The following NTNG1 variants were observed in gnomAD, a reference collection of about 807,000 sequenced individuals.
NTNG1 encodes the protein netrin G1, also known as netrin-G1.
In NTNG1, 16 loss-of-function variants were observed where a neutral mutation model predicts 54.0. The observed-to-expected ratio is 0.30, with a 90% CI of 0.20 to 0.45. NTNG1 has a LOEUF of 0.45. Ranked by LOEUF, NTNG1 falls within the 20% of genes least tolerant of loss-of-function variation. NTNG1 has a pLI of 1.00. For synonymous variants in NTNG1, 255 were observed against 263.1 expected, an observed-to-expected ratio of 0.97 and a Z score of 0.30; for missense variants, 530 against 678.7, an observed-to-expected ratio of 0.78 and a Z score of 2.43.
At position 107,304,058 on chromosome 1, in the gene NTNG1, A is replaced by G. The variant is rs530506623; in HGVS notation, c.247-20224A>G. 2.6e-5 allele frequency among the ~76,000 whole-genome samples: 4 copies of G among 152,252 alleles called. No individual in the cohort carries two copies. In the South Asian group the frequency reaches 6.2e-4, roughly 24 times the overall value. ...AGTAATTGCAGAATTCTCTAGTAAA[A>G]TGACTTCTGCCTCAACAGCCTATTA... On this transcript the variant is annotated intron_variant, in intron 2 of 7. Coordinates refer to ENST00000370068, the MANE Select transcript of NTNG1 (RefSeq NM_001113226.3).
intron 2 of NTNG1, among the ~76,000 whole-genome samples, chr1:107,260,445 C>T (rs111696811): frequency 2.1e-4 from 32 of 152,168 alleles, no homozygotes; most frequent in Non-Finnish European, 4.4e-4. Context: ...GTCTACCCTG[C>T]CACCAACAAT....
chr1:107,387,333 G>A (rs1343309649), intron 3 of NTNG1, among the ~76,000 whole-genome samples: 3 of 152,218 alleles, frequency 2.0e-5, no homozygotes, highest in African/African-American at 7.2e-5. Context: ...GTAGAAGGGA[G>A]AGGGCTTGCA....
upstream of NTNG1, chr1:107,141,018 T>A (rs371844817): frequency 1.3e-5 from 2 of 152,484 alleles, no homozygotes; most frequent in African/African-American, 4.8e-5. Context: ...CTCATCTACC[T>A]GTCAAAGTCA....
chr1:107,164,583 T>C (rs537442971), intron 2 of NTNG1, among the ~76,000 whole-genome samples: 1 of 152,336 alleles, frequency 6.6e-6, no homozygotes, highest in South Asian at 2.1e-4. Flanking sequence ...CAGTAACTAC[T>C]ACTGTGATAA....
At chr1:107,480,564 TCTC>T (rs1430959894) in intron 7 of NTNG1, 44 bp from the exon 8 acceptor site, 1 of 719,534 alleles carries the variant, frequency 1.4e-6, no homozygotes, top group East Asian at 2.6e-5. Context: ...TGATTCTGCT[TCTC>T]CTCCCCGCGC....
chr1:107,243,717 T>G (rs1180696738), intron 2 of NTNG1, among the ~76,000 whole-genome samples: 2 of 152,140 alleles, frequency 1.3e-5, no homozygotes, highest in African/African-American at 4.8e-5. Context: ...CACAGCTGGC[T>G]TCTTATGCTG....
intron 4 of NTNG1, among the ~76,000 whole-genome samples, chr1:107,402,078 A>G (rs558047356): frequency 6.6e-6 from 1 of 152,306 alleles, no homozygotes; most frequent in East Asian, 1.9e-4. Context: ...AGGGAGATAT[A>G]TTGTGGCCAA....
intron 3 of NTNG1, 94 bp downstream of exon 3, chr1:107,325,016 C>T (rs1026423052): frequency 2.4e-6 from 3 of 1,276,034 alleles, no homozygotes; most frequent in African/African-American, 3.0e-5. Flanking sequence ...TTGTCAATTT[C>T]TACTGCAACG....
At chr1:107,472,993 C>T (rs1571039459) in intron 7 of NTNG1, among the ~76,000 whole-genome samples, 2 of 152,154 alleles carry the variant, frequency 1.3e-5, no homozygotes, top group Non-Finnish European at 1.5e-5. Flanking sequence ...CTGAATGTAG[C>T]CCACATACCT....
intron 3 of NTNG1, among the ~76,000 whole-genome samples, chr1:107,347,844 T>C (rs1669345753): frequency 6.6e-6 from 1 of 152,054 alleles, no homozygotes; most frequent in African/African-American, 2.4e-5. Flanking sequence ...AAATGCCAGA[T>C]ACTTATAAAA....
intron 2 of NTNG1, among the ~76,000 whole-genome samples, chr1:107,265,710 T>C (rs963529287): frequency 6.6e-6 from 1 of 152,252 alleles, no homozygotes; most frequent in African/African-American, 2.4e-5. Flanking sequence ...TATGGGTTTA[T>C]ACATGTAAGT....
chr1:107,327,337 T>A (rs534923863), intron 3 of NTNG1, among the ~76,000 whole-genome samples: 25 of 152,220 alleles, frequency 1.6e-4, no homozygotes, highest in Admixed American at 1.0e-3. Context: ...ATAATGAAGA[T>A]CTGCTGATGA....
At chr1:107,185,511 C>T (rs976848955) in intron 2 of NTNG1, among the ~76,000 whole-genome samples, 2 of 152,126 alleles carry the variant, frequency 1.3e-5, no homozygotes. Context: ...AATTAGGGTC[C>T]ATCCTAATCC....
At chr1:107,315,537 C>G (rs1667286446) in intron 2 of NTNG1, among the ~76,000 whole-genome samples, 3 of 152,138 alleles carry the variant, frequency 2.0e-5, no homozygotes, top group South Asian at 4.2e-4. Flanking sequence ...TCATTACATT[C>G]CAGGAACAAT....
chr1:107,308,545 G>A lies in NTNG1; in HGVS notation c.247-15737G>A, dbSNP rs190267952. Among the ~76,000 whole-genome samples the A allele has an allele frequency of 1.3e-3, 198 of 152,236 alleles. 1 individual carries two copies. Among genetic ancestry groups the A allele is most frequent in the African/African-American group, 4.6e-3 (193 of 41,532 alleles). On this transcript the variant is annotated intron_variant, in intron 2 of 7. Coordinates refer to ENST00000370068, the MANE Select transcript of NTNG1 (RefSeq NM_001113226.3). ...TCTGCACCAGTGCCATACTGTTTTG[G>A]TTACTGTAGCCCTGTAGTATAGTGT...
At chr1:107,308,264 C>A (rs1227029971) in intron 2 of NTNG1, among the ~76,000 whole-genome samples, 1 of 152,086 alleles carries the variant, frequency 6.6e-6, no homozygotes, top group South Asian at 2.1e-4. Flanking sequence ...TAGGTTGCTT[C>A]CAGGGTTTTT....
At chr1:107,432,118 G>T (rs149206491) in intron 6 of NTNG1, among the ~76,000 whole-genome samples, 1 of 152,120 alleles carries the variant, frequency 6.6e-6, no homozygotes, top group Non-Finnish European at 1.5e-5. Flanking sequence ...GGACTTAGAG[G>T]CCAGAAAGCT....
chr1:107,322,879 C>A (rs1667732749), intron 2 of NTNG1, among the ~76,000 whole-genome samples: 1 of 151,948 alleles, frequency 6.6e-6, no homozygotes, highest in Non-Finnish European at 1.5e-5. Context: ...AAACCTGTTG[C>A]CAACTTTAGG....
chr1:107,162,001 T>G (rs1267670156), intron 2 of NTNG1, among the ~76,000 whole-genome samples: 2 of 152,120 alleles, frequency 1.3e-5, no homozygotes, highest in Non-Finnish European at 2.9e-5. Flanking sequence ...AATTATCCAT[T>G]TGATCTATAT....
Sources: gnomAD v4.1 joint callset for allele counts (sites outside exome capture counted in the v4.1 genomes callset) on GRCh38, gnomAD v4.1.1 for gene constraint, MANE v1.5 for transcripts, NCBI Gene and HGNC (gene_info 2026-07-23, HGNC 2026-07-21) for gene names.